The following CREB5 variants were observed in gnomAD, a reference collection of about 807,000 sequenced individuals.
CREB5 encodes the protein cAMP responsive element binding protein 5.
CREB5 carries 19 observed loss-of-function variants against 57.1 expected under a neutral mutation model. The observed-to-expected ratio is 0.33, with a 90% confidence interval of 0.23 to 0.49. CREB5 has a LOEUF of 0.49. Among genes scored for constraint, CREB5 ranks in the 20% least tolerant of loss-of-function variants. The pLI, the probability that CREB5 is intolerant of heterozygous loss-of-function variation, is 0.99. For missense variants in CREB5, 579 were observed against 671.6 expected (o/e 0.86, Z 1.52); for synonymous variants, 238 against 238.3 (o/e 1.00, Z 0.01).
At chr7:28,773,436 G>A (rs182018362) in intron 7 of CREB5, among the ~76,000 whole-genome samples, 1 of 152,266 alleles carries the variant, frequency 6.6e-6, no homozygotes, top group Admixed American at 6.5e-5. Context: ...TTTAATAACT[G>A]AAGCTATTCC....
intron 1 of CREB5, among the ~76,000 whole-genome samples, chr7:28,344,918 CATT>C (rs1405282526): frequency 6.6e-6 from 1 of 152,094 alleles, no homozygotes; most frequent in Admixed American, 6.5e-5. Flanking sequence ...CACAGAATGA[CATT>C]ATTTAATGCA....
In CREB5 at chr7:28,379,920, C is replaced by T. The variant is rs73088544; in HGVS notation, c.-25+80479C>T. On this transcript the variant is annotated intron_variant, in intron 1 of 9. Transcript: ENST00000396299. Reference sequence around the variant, plus strand: ...TTTTGTTTTGTTTTGCTTTGTTTCTCGCTCTGTCACCCAGGCTGCAGTGCA... The same window carrying T: ...TTTTGTTTTGTTTTGCTTTGTTTCTTGCTCTGTCACCCAGGCTGCAGTGCA... 1.9e-3 allele frequency among the ~76,000 whole-genome samples: 292 copies of T among 152,250 alleles called. 1 individual carries two copies. The highest frequency in any genetic ancestry group is 6.8e-3 in the Middle Eastern group (2 of 294).
intron 1 of CREB5, among the ~76,000 whole-genome samples, chr7:28,332,271 T>C (rs979038390): frequency 3.3e-5 from 5 of 152,178 alleles, no homozygotes; most frequent in Admixed American, 3.3e-4. Flanking sequence ...TGTGGACTTT[T>C]GAACTCCAGA....
At chr7:28,582,827 A>G (rs1209758965) in intron 5 of CREB5, among the ~76,000 whole-genome samples, 2 of 152,374 alleles carry the variant, frequency 1.3e-5, no homozygotes, top group East Asian at 1.9e-4. Flanking sequence ...AGAAGAGGGC[A>G]GAACACAGGC....
upstream of CREB5, chr7:28,409,815 G>C (rs1562696843): frequency 8.9e-6 from 4 of 449,818 alleles, no homozygotes; most frequent in South Asian, 6.3e-5. This position sits in a 1 kb window ranked among gnomAD's most constrained non-coding sequence, Gnocchi z 4.4. Flanking sequence ...GAGTCCGCCC[G>C]GCGTGCGTGC....
rs146458743 is a variant in CREB5, at chr7:28,462,170, C to T, written c.4-26005C>T. Among the ~76,000 whole-genome samples the T allele has an allele frequency of 2.8e-4, 42 of 152,252 alleles. No homozygotes were observed. The South Asian group carries it at 6.2e-3, about 23-fold the overall frequency. ...TTTATATAAATGGAATCACACAACA[C>T]GTGACATTTTGTGTTTGTGTTCTTT... is the stretch of plus-strand genomic sequence containing the variant. On this transcript the variant is annotated intron_variant, in intron 1 of 10. Transcript: ENST00000357727.
intron 5 of CREB5, among the ~76,000 whole-genome samples, chr7:28,610,835 GTTGCTTCTTTTTGTT>G (rs1381538358): frequency 6.6e-6 from 1 of 151,996 alleles, no homozygotes; most frequent in Non-Finnish European, 1.5e-5. Context: ...CAATTTTTGT[GTTGCTTCTTTTTGTT>G]TTGTTTTGTT....
chr7:28,434,613 G>T (rs1788868199), intron 1 of CREB5, among the ~76,000 whole-genome samples: 1 of 152,122 alleles, frequency 6.6e-6, no homozygotes, highest in East Asian at 1.9e-4. Flanking sequence ...AAATATTTGA[G>T]GCTGTTGATT....
In CREB5 at chr7:28,528,953, A is replaced by AAT. The variant is rs1411696587; in HGVS notation, c.291+21216_291+21217insAT. Among the ~76,000 whole-genome samples the AAT allele has an allele frequency of 7.7e-4, 118 of 152,306 alleles. 2 individuals carry two copies. The highest frequency in any genetic ancestry group is 7.2e-4 in the Admixed American group (11 of 15,296). On this transcript the variant is annotated intron_variant, in intron 4 of 10. Coordinates refer to ENST00000357727, the MANE Select transcript of CREB5 (RefSeq NM_182898.4). The stretch of plus-strand genomic sequence containing the variant: ...TTTAAGGCTGGACCTTGGAGAGGTC[A>AAT]TGAGAGGGTAGAACATCAATTGACT...
intron 4 of CREB5, among the ~76,000 whole-genome samples, chr7:28,551,959 C>G (rs1422533534): frequency 9.6e-6 from 1 of 104,524 alleles, no homozygotes; most frequent in Non-Finnish European, 2.0e-5. Flanking sequence ...TATTCTTTCT[C>G]TTTTTTATTC....
At chr7:28,694,309 GT>G (rs951634196) in intron 5 of CREB5, among the ~76,000 whole-genome samples, 3 of 152,084 alleles carry the variant, frequency 2.0e-5, no homozygotes, top group Non-Finnish European at 4.4e-5. Context: ...TTCGCCTTTA[GT>G]TTTGCTCTCA....
At chr7:28,736,888 A>T (rs12700900) in intron 7 of CREB5, among the ~76,000 whole-genome samples, 25,716 of 147,678 alleles carry the variant, frequency 0.17, 2,621 homozygotes, top group Middle Eastern at 0.25. Flanking sequence ...CTGGCCATGT[A>T]ATGAATCCCT....
intron 1 of CREB5, among the ~76,000 whole-genome samples, chr7:28,328,685 T>C (rs1292343422): frequency 6.6e-6 from 1 of 152,240 alleles, no homozygotes; most frequent in Non-Finnish European, 1.5e-5. Flanking sequence ...TTAGGCACTC[T>C]GCTTCTGGGA....
intron 5 of CREB5, among the ~76,000 whole-genome samples, chr7:28,614,488 C>T (rs1797522941): frequency 6.6e-6 from 1 of 152,120 alleles, no homozygotes; most frequent in African/African-American, 2.4e-5. Context: ...ACCTTCCCCA[C>T]CAATAGGTTC....
chr7:28,509,757 T>C (rs1446980828), intron 4 of CREB5, among the ~76,000 whole-genome samples: 1 of 152,190 alleles, frequency 6.6e-6, no homozygotes, highest in African/African-American at 2.4e-5. Context: ...AGAAACATGT[T>C]ATTTTCTCTC....
intron 5 of CREB5, among the ~76,000 whole-genome samples, chr7:28,601,490 C>T (rs1032110460): frequency 6.6e-6 from 1 of 152,026 alleles, no homozygotes; most frequent in Non-Finnish European, 1.5e-5. Flanking sequence ...AGAAAAGGTA[C>T]CTCAACCCCT....
intron 4 of CREB5, among the ~76,000 whole-genome samples, chr7:28,518,331 C>T (rs762562924): frequency 8.5e-5 from 13 of 152,252 alleles, no homozygotes; most frequent in African/African-American, 1.7e-4. Flanking sequence ...GAAAAGCAGT[C>T]GTGTTTTGTG....
intron 5 of CREB5, among the ~76,000 whole-genome samples, chr7:28,702,282 G>T (rs1348390445): frequency 6.6e-6 from 1 of 152,170 alleles, no homozygotes; most frequent in African/African-American, 2.4e-5. Flanking sequence ...CTGAAACCAT[G>T]GTGAAAATGG....
rs142258951 is a variant in CREB5, at chr7:28,818,153, T to G, written c.1337T>G (p.Met446Arg). ...LTHKDCPITA[M>R]QKESQGYLSP... Reference sequence around the variant, plus strand: ...CATAAAGACTGCCCAATAACAGCCATGCAGAAAGAATCACAAGGATATCTA... The same window carrying G: ...CATAAAGACTGCCCAATAACAGCCAGGCAGAAAGAATCACAAGGATATCTA... The change falls in exon 10 of 11, where the codon ATG (methionine) becomes AGG (arginine). Residue 446 changes from methionine (M) to arginine (R), a missense_variant. By Grantham distance (91) the Met-to-Arg change is moderately conservative. Coordinates refer to ENST00000357727, the MANE Select transcript of CREB5 (RefSeq NM_182898.4). The G allele has an allele frequency of 1.9e-6, 3 of 1,613,156 alleles. No individual in the cohort carries two copies. Among genetic ancestry groups the G allele is most frequent in the Non-Finnish European group, 2.5e-6 (3 of 1,179,596 alleles).
Sources: allele counts gnomAD v4.1 joint callset (sites outside exome capture counted in the v4.1 genomes callset), GRCh38; gene constraint gnomAD v4.1.1; non-coding constraint Gnocchi (gnomAD v3.1); transcripts MANE v1.5; gene names NCBI Gene and HGNC (gene_info 2026-07-23, HGNC 2026-07-21).